The following UGT2B15 variants were observed in gnomAD, a reference collection of about 807,000 sequenced individuals.
UGT2B15 encodes the protein UDP-glucuronosyltransferase 2B15.
UGT2B15 carries 36 observed loss-of-function variants against 45.9 expected under a neutral mutation model. The observed-to-expected ratio is 0.78, with a 90% CI of 0.60 to 1.04. UGT2B15 has a LOEUF of 1.04. Ranked by LOEUF, UGT2B15 falls within the 50% of genes least tolerant of loss-of-function variation. The pLI, the probability that UGT2B15 is intolerant of heterozygous loss-of-function variation, is 0.00. For synonymous variants in UGT2B15, 219 were observed against 216.4 expected (o/e 1.01, Z -0.11); for missense variants, 617 against 622.4 (o/e 0.99, Z 0.09).
chr4:68,664,175 A>C (rs1042303345), intron 2 of UGT2B15, among the ~76,000 whole-genome samples: 22 of 151,812 alleles, frequency 1.4e-4, no homozygotes, highest in Non-Finnish European at 2.6e-4. Flanking sequence ...GAAATGAATG[A>C]GAATTATTCT....
At chr4:68,647,952 A>G (rs1732531352) in intron 5 of UGT2B15, among the ~76,000 whole-genome samples, 1 of 151,936 alleles carries the variant, frequency 6.6e-6, no homozygotes, top group Non-Finnish European at 1.5e-5. Context: ...GAACTCCTGT[A>G]GTCAAGTCAT....
rs967895671 is a variant in UGT2B15, at chr4:68,649,681, C to T, written c.1314-2298G>A. Among the ~76,000 whole-genome samples the T allele has an allele frequency of 2.3e-4, 34 of 150,198 alleles. 1 individual carries two copies. The highest frequency in any genetic ancestry group is 8.3e-4 in the African/African-American group (33 of 39,794). On this transcript the variant is annotated intron_variant, in intron 5 of 5. Coordinates refer to ENST00000338206, the MANE Select transcript of UGT2B15 (RefSeq NM_001076.4). ...TACAGATAAATGTGCAATATATATA[C>T]ACACACACATATATAACACATAGAT... is the stretch of plus-strand genomic sequence containing the variant.
chr4:68,655,503 T>C (rs1732778267), intron 3 of UGT2B15, among the ~76,000 whole-genome samples: 1 of 152,062 alleles, frequency 6.6e-6, no homozygotes, highest in Non-Finnish European at 1.5e-5. Flanking sequence ...TTAAGCTGCT[T>C]AGGGCAAACC....
Position 68,654,082 on chromosome 4 carries a change from C to T in UGT2B15, c.1268G>A (p.Ser423Asn). The T allele has an allele frequency of 1.2e-6, 2 of 1,613,602 alleles. No individual in the cohort carries two copies. The highest frequency in any genetic ancestry group is 1.7e-6 in the Non-Finnish European group (2 of 1,179,644). ...ALSVDIRTMS[S>N]RDLLNALKSV... ...CTTCAATGCATTGAGCAAATCTCTA[C>T]TTGACATGGTCCTGATGTCCACACT... Residue 423 changes from serine (S) to asparagine (N), a missense_variant, in exon 5 of 6, where the codon AGT (serine) becomes AAT (asparagine). By Grantham distance (46) the Ser-to-Asn change is conservative (BLOSUM62 1). Transcript: ENST00000338206.
rs560757703 is a variant in UGT2B15 at position 68,646,846 on chromosome 4, C to T, written c.*258G>A. 33 of 475,592 alleles carry T rather than the reference C, an allele frequency of 6.9e-5. No individual in the cohort carries two copies. Among genetic ancestry groups the T allele is most frequent in the Admixed American group, 1.5e-4 (4 of 26,652 alleles). The allele number at this position is 475,592 out of a possible 1,614,324, so 29.5% of individuals were successfully genotyped here. On this transcript the variant is annotated 3_prime_UTR_variant, in exon 6 of 6. Coordinates refer to ENST00000338206, the MANE Select transcript of UGT2B15 (RefSeq NM_001076.4). Reference sequence around the variant, plus strand: ...TGTTGGCGTGCTGCATCCAGTAACTCGTCATTTAACATTAGGTATATCTCC... The same window carrying T: ...TGTTGGCGTGCTGCATCCAGTAACTTGTCATTTAACATTAGGTATATCTCC...
rs749994753 is a variant in UGT2B15, at chr4:68,647,306, C to A, written c.1391G>T (p.Trp464Leu). 2.5e-6 allele frequency: 4 copies of A among 1,613,764 alleles called. No homozygotes were observed. The highest frequency in any genetic ancestry group is 3.4e-6 in the Non-Finnish European group (4 of 1,179,868). ...PMKPLDRAVF[W>L]IEFVMRHKGA... ...TTTGTGGCGCATGACAAACTCAATC[C>A]AGAAGACTGCTCGATCCAGGGGCTT... The change falls in exon 6 of 6, where the codon TGG becomes TTG. Residue 464 changes from tryptophan to leucine, a missense_variant. Coordinates refer to ENST00000338206, the MANE Select transcript of UGT2B15 (RefSeq NM_001076.4).
rs1197306906 is a variant in UGT2B15 at position 68,670,634 on chromosome 4, T to A, written c.-16A>T. 1.3e-6 allele frequency: 2 copies of A among 1,538,034 alleles called. No individual in the cohort carries two copies. Among genetic ancestry groups the A allele is most frequent in the Non-Finnish European group, 1.7e-6 (2 of 1,148,436 alleles). ...TCAGAGACATCCTGGTCTTATGCAA[T>A]GCTTCTTTTCCAGTTGTTGTTTCTT... On this transcript the variant is annotated 5_prime_UTR_variant, in exon 1 of 6. Transcript: ENST00000338206.
At chr4:68,651,252 C>A (rs770816178) in intron 5 of UGT2B15, among the ~76,000 whole-genome samples, 28 of 152,096 alleles carry the variant, frequency 1.8e-4, no homozygotes, top group Middle Eastern at 3.4e-3. Flanking sequence ...ATGATATTGC[C>A]TAGGTTTTCT....
intron 5 of UGT2B15, among the ~76,000 whole-genome samples, chr4:68,648,067 GCCT>G (rs1219165409): frequency 3.3e-5 from 5 of 151,888 alleles, no homozygotes; most frequent in African/African-American, 1.2e-4. Flanking sequence ...CTGGTGAAAT[GCCT>G]CCTAACTAGT....
rs1732513681 is a variant in UGT2B15, at chr4:68,647,391, A to G, written c.1314-8T>C. ...ATGACATTCTCTTTATAGCTGAAGG[A>G]TAAATATAAAGATATCAACATTAAA... On this transcript the variant is annotated splice_region_variant and splice_polypyrimidine_tract_variant and intron_variant, in intron 5 of 5. Transcript: ENST00000338206. 17 of 1,608,016 alleles carry G rather than the reference A, an allele frequency of 1.1e-5. No individual in the cohort carries two copies. The highest frequency in any genetic ancestry group is 1.4e-5 in the Non-Finnish European group (17 of 1,176,258).
At chr4:68,669,194 T>C (rs1733228190) in intron 1 of UGT2B15, among the ~76,000 whole-genome samples, 1 of 152,146 alleles carries the variant, frequency 6.6e-6, no homozygotes, top group Admixed American at 6.5e-5. Context: ...TCAGAATTTA[T>C]TGACATAGAG....
rs751527430 is a variant in UGT2B15 at position 68,669,953 on chromosome 4, G to C, written c.666C>G (p.Asp222Glu). ...IKNMIHMLYF[D>E]FWFQIYDLKK... is the part of the protein sequence containing the mutation. ...TCAGATCATAAATTTGAAACCAAAA[G>C]TCAAAATAAAGCATATGTATCATAT... Residue 222 changes from aspartate (D) to glutamate (E), a missense_variant, in exon 1 of 6, where the codon GAC becomes GAG. Physicochemically the swap from Asp to Glu is conservative, Grantham distance 45 (BLOSUM62 2). This residue lies in a region of UGT2B15 where 351 missense variants were observed against 342.1 expected (regional missense o/e 1.03). Transcript: ENST00000338206. 6.2e-6 allele frequency: 10 copies of C among 1,612,864 alleles called. No homozygotes were observed. The Admixed American group carries it at 1.5e-4, about 24-fold the overall frequency.
chr4:68,660,128 A>G (rs1732921241), intron 3 of UGT2B15, among the ~76,000 whole-genome samples: 1 of 151,440 alleles, frequency 6.6e-6, no homozygotes, highest in Non-Finnish European at 1.5e-5. Flanking sequence ...ATCTATTTTC[A>G]TTTTTAACAA....
At position 68,670,515 on chromosome 4, in the gene UGT2B15, T is replaced by A; in HGVS notation, c.104A>T (p.His35Leu). Residue 35 changes from histidine (H) to leucine (L), a missense_variant, in exon 1 of 6, where the codon CAT (histidine) becomes CTT (leucine). Physicochemically the swap from His to Leu is moderately conservative, Grantham distance 99. This residue lies in a region of UGT2B15 where 351 missense variants were observed against 342.1 expected (regional missense o/e 1.03). Coordinates refer to ENST00000338206, the MANE Select transcript of UGT2B15 (RefSeq NM_001076.4). ...KVLVWPTEYSHWINMKTILEE... is the reference protein window; with the variant it reads ...KVLVWPTEYSLWINMKTILEE... ...CAGGATTGTCTTCATATTTATCCAA[T>A]GGCTGTATTCTGTGGGCCACACTAG... 1 of 1,613,980 alleles carries A rather than the reference T, an allele frequency of 6.2e-7. No homozygotes were observed. The highest frequency in any genetic ancestry group is 1.7e-5 in the Admixed American group (1 of 59,958).
At chr4:68,666,400 A>T (rs1392172203) in intron 2 of UGT2B15, among the ~76,000 whole-genome samples, 2 of 152,148 alleles carry the variant, frequency 1.3e-5, no homozygotes, top group Non-Finnish European at 2.9e-5. Context: ...AAGTATTAAA[A>T]ATAATGACTG....
intron 5 of UGT2B15, among the ~76,000 whole-genome samples, chr4:68,649,576 C>T (rs574767758): frequency 5.9e-5 from 9 of 151,730 alleles, no homozygotes; most frequent in South Asian, 2.1e-4. Flanking sequence ...CCACCACACC[C>T]GGTCTCCATA....
intron 2 of UGT2B15, among the ~76,000 whole-genome samples, chr4:68,664,854 G>A (rs1733075147): frequency 6.6e-6 from 1 of 152,166 alleles, no homozygotes; most frequent in Non-Finnish European, 1.5e-5. Flanking sequence ...ATGAGCCACT[G>A]TGCCTGGCCT....
intron 5 of UGT2B15, 82 bp downstream of exon 5, chr4:68,653,955 C>A: frequency 6.4e-7 from 1 of 1,555,964 alleles, no homozygotes; most frequent in Non-Finnish European, 8.8e-7. Context: ...AAATTAGTCT[C>A]TTAAAAACGG....
intron 5 of UGT2B15, among the ~76,000 whole-genome samples, chr4:68,650,650 TG>T (rs1324551486): frequency 6.6e-6 from 1 of 152,112 alleles, no homozygotes; most frequent in Non-Finnish European, 1.5e-5. Flanking sequence ...TATATGCCTT[TG>T]GGTATATACG....
Sources: gnomAD v4.1 joint callset for allele counts (sites outside exome capture counted in the v4.1 genomes callset) on GRCh38, gnomAD v4.1.1 for gene constraint, gnomAD v4.1.1 regional missense constraint, MANE v1.5 for transcripts, NCBI Gene and HGNC (gene_info 2026-07-23, HGNC 2026-07-21) for gene names.